The following NRXN1 variants were observed in gnomAD, a reference collection of about 807,000 sequenced individuals.
NRXN1 encodes the protein neurexin 1.
Under a neutral mutation model 150.9 loss-of-function variants are expected in NRXN1, and 39 were observed. The ratio of observed to expected loss-of-function variants is 0.26; its 90% confidence interval spans 0.20 to 0.34. NRXN1 has a LOEUF of 0.34. Ranked by LOEUF, NRXN1 falls within the 10% of genes least tolerant of loss-of-function variation. The pLI is 1.00. For synonymous variants in NRXN1, 924 were observed against 757.0 expected (o/e 1.22, Z -3.62); for missense variants, 1,815 against 1,949.9 (o/e 0.93, Z 1.30).
intron 2 of NRXN1, among the ~76,000 whole-genome samples, chr2:50,951,627 T>C (rs1691350764): frequency 6.6e-6 from 1 of 152,054 alleles, no homozygotes. Flanking sequence ...AACTGTAACA[T>C]CTCTCATAGT....
At chr2:50,922,879 C>T (rs887552242) in intron 3 of NRXN1, among the ~76,000 whole-genome samples, 192 bp from the exon 4 acceptor site, 12 of 151,908 alleles carry the variant, frequency 7.9e-5, no homozygotes, top group African/African-American at 2.9e-4. Context: ...TCTAGAACTG[C>T]GTTTTAAACA....
At chr2:50,965,540 A>T (rs562771967) in intron 2 of NRXN1, among the ~76,000 whole-genome samples, 19 of 151,700 alleles carry the variant, frequency 1.3e-4, no homozygotes, top group South Asian at 2.1e-4. Context: ...AATACTTAAC[A>T]TGTAATTTAG....
chr2:50,676,789 A>G (rs1423236826), intron 5 of NRXN1, among the ~76,000 whole-genome samples: 1 of 152,144 alleles, frequency 6.6e-6, no homozygotes, highest in Non-Finnish European at 1.5e-5. Flanking sequence ...AAAGCCAGAT[A>G]AGCTTTCTGA....
chr2:50,894,862 C>T (rs772351379), intron 5 of NRXN1, among the ~76,000 whole-genome samples: 14 of 152,070 alleles, frequency 9.2e-5, no homozygotes, highest in Non-Finnish European at 1.8e-4. Flanking sequence ...AATTATACCA[C>T]GATGTAATCT....
intron 18 of NRXN1, among the ~76,000 whole-genome samples, chr2:50,191,967 T>A (rs1476996554): frequency 3.3e-5 from 5 of 152,148 alleles, no homozygotes; most frequent in Non-Finnish European, 5.9e-5. Context: ...AAGAACCAAT[T>A]GTTCATATGC....
At chr2:50,514,423 C>G (rs1165009595) in intron 12 of NRXN1, among the ~76,000 whole-genome samples, 1 of 152,150 alleles carries the variant, frequency 6.6e-6, no homozygotes, top group Non-Finnish European at 1.5e-5. Flanking sequence ...CTCATTTATT[C>G]TGGGTTCCAT....
intron 2 of NRXN1, among the ~76,000 whole-genome samples, chr2:50,946,646 A>G (rs1690440885): frequency 6.6e-6 from 1 of 152,186 alleles, no homozygotes; most frequent in Non-Finnish European, 1.5e-5. Flanking sequence ...TTTTACTTAT[A>G]AACAATTTTA....
chr2:50,792,192 C>T (rs889913199), intron 5 of NRXN1, among the ~76,000 whole-genome samples: 1 of 151,632 alleles, frequency 6.6e-6, no homozygotes, highest in African/African-American at 2.4e-5. Flanking sequence ...GAATTATGTA[C>T]GAGAAAACTA....
At chr2:50,865,756 T>TG (rs1676842368) in intron 5 of NRXN1, among the ~76,000 whole-genome samples, 2 of 140,356 alleles carry the variant, frequency 1.4e-5, no homozygotes, top group African/African-American at 5.4e-5. Context: ...TTTTTGGTGG[T>TG]GGGGGGATGT....
In NRXN1 at chr2:50,620,111, C is replaced by T. The variant is rs1331285855; in HGVS notation, c.1231G>A (p.Asp411Asn). ...CTGCCTCCAACATAGAAAAAGTCAT[C>T]AGACCCCAGCATGGTATAATCTTCT... ...TQEDYTMLGSDDFFYVGGSPS... is the reference protein window; with the variant it reads ...TQEDYTMLGSNDFFYVGGSPS... The change falls in exon 8 of 23, where the codon GAT becomes AAT. Residue 411 changes from aspartate to asparagine, a missense_variant. Physicochemically the swap from Asp to Asn is conservative, Grantham distance 23 (BLOSUM62 1). Transcript: ENST00000401669. 6.2e-7 allele frequency: 1 copy of T among 1,613,280 alleles called. No homozygotes were observed. Among genetic ancestry groups the T allele is most frequent in the African/African-American group, 1.3e-5 (1 of 74,862 alleles).
rs201667307 is a variant in NRXN1, at chr2:50,515,509, T to A, written c.2375-8892A>T. 2.0e-5 allele frequency among the ~76,000 whole-genome samples: 3 copies of A among 151,928 alleles called. No individual in the cohort carries two copies. The East Asian group carries it at 5.8e-4, about 29-fold the overall frequency. On this transcript the variant is annotated intron_variant, in intron 12 of 22. Coordinates refer to ENST00000401669, the MANE Select transcript of NRXN1 (RefSeq NM_001330078.2). ...ACTGCTTTAAATGACACAAATCAAT[T>A]GCAAAGTCCTTCTACTTATAAAATC...
At chr2:50,952,129 G>T (rs2104596793) in intron 2 of NRXN1, among the ~76,000 whole-genome samples, 1 of 151,026 alleles carries the variant, frequency 6.6e-6, no homozygotes, top group Admixed American at 6.6e-5. Flanking sequence ...ACTACGCCCA[G>T]CTAATTTTTT....
chr2:50,403,067 G>A (rs750161225), intron 17 of NRXN1, among the ~76,000 whole-genome samples: 5 of 151,464 alleles, frequency 3.3e-5, no homozygotes, highest in Non-Finnish European at 7.4e-5. Flanking sequence ...ATCCAGGCTG[G>A]GCACCCCAGG....
At chr2:50,905,787 G>A (rs995076400) in intron 5 of NRXN1, among the ~76,000 whole-genome samples, 1 of 151,970 alleles carries the variant, frequency 6.6e-6, no homozygotes, top group African/African-American at 2.4e-5. Context: ...ATGTATTTAT[G>A]TTCCACAAAG....
Position 49,981,293 on chromosome 2 carries a change from T to A in NRXN1, c.4129-37502A>T, listed in dbSNP as rs1679944897. 2.0e-5 allele frequency among the ~76,000 whole-genome samples: 3 copies of A among 152,044 alleles called. No individual in the cohort carries two copies. In the South Asian group the frequency reaches 6.2e-4, roughly 31 times the overall value. Reference sequence around the variant, plus strand: ...CAAACAGTAGTCAGTGACTAAATATTTTTGGTAACTGATTGATGAAAGCAC... The same window carrying A: ...CAAACAGTAGTCAGTGACTAAATATATTTGGTAACTGATTGATGAAAGCAC... On this transcript the variant is annotated intron_variant, in intron 21 of 22. Transcript: ENST00000401669.
chr2:50,281,094 G>T (rs1436270856), intron 17 of NRXN1, among the ~76,000 whole-genome samples: 1 of 145,750 alleles, frequency 6.9e-6, no homozygotes, highest in East Asian at 2.0e-4. Context: ...CACGAGGTCA[G>T]AAGATCGAGA....
intron 21 of NRXN1, among the ~76,000 whole-genome samples, chr2:50,004,883 A>G (rs1684510497): frequency 6.6e-6 from 1 of 152,124 alleles, no homozygotes. Flanking sequence ...ACTGAGGCCA[A>G]AAGCTATTGC....
At chr2:50,681,082 G>T (rs982633189) in intron 5 of NRXN1, among the ~76,000 whole-genome samples, 3 of 152,124 alleles carry the variant, frequency 2.0e-5, no homozygotes, top group Non-Finnish European at 4.4e-5. Context: ...CAACAGCCAA[G>T]ACATTAAAAA....
intron 5 of NRXN1, among the ~76,000 whole-genome samples, chr2:50,665,160 T>C (rs1224346874): frequency 6.6e-6 from 1 of 151,956 alleles, no homozygotes; most frequent in Non-Finnish European, 1.5e-5. Flanking sequence ...TACAATAAGG[T>C]CAGCTTCTAA....
Sources: gnomAD v4.1 joint callset for allele counts (sites outside exome capture counted in the v4.1 genomes callset) on GRCh38, gnomAD v4.1.1 for gene constraint, MANE v1.5 for transcripts, NCBI Gene and HGNC (gene_info 2026-07-23, HGNC 2026-07-21) for gene names.